The following PASK variants were observed in gnomAD, a reference collection of about 807,000 sequenced individuals.
The protein encoded by PASK is PAS domain-containing serine/threonine-protein kinase.
In PASK, 110 loss-of-function variants were observed where a neutral mutation model predicts 121.0. That is an observed-to-expected ratio of 0.91 (90% confidence interval 0.78 to 1.06). The LOEUF (loss-of-function observed/expected upper bound fraction) is 1.06. Ranked by LOEUF, PASK falls within the 50% of genes least tolerant of loss-of-function variation. The pLI, the probability that PASK is intolerant of heterozygous loss-of-function variation, is 0.00. For missense variants in PASK, 1,643 were observed against 1,702.3 expected (o/e 0.97, Z 0.61); for synonymous variants, 686 against 717.8 (o/e 0.96, Z 0.71).
chr2:241,106,517 CTG>C lies in PASK; in HGVS notation c.*47_*48del, dbSNP rs753768742. ...TCTCCAAACAGATGGAGCCTGAAAA[CTG>C]TGTGATTTTCCAAACCAAGTGGAGA... is the stretch of plus-strand genomic sequence containing the variant. On this transcript the variant is annotated 3_prime_UTR_variant, in exon 18 of 18. Transcript: ENST00000234040. 4.6e-5 allele frequency: 73 copies of C among 1,592,758 alleles called. No individual in the cohort carries two copies. Among genetic ancestry groups the C allele is most frequent in the East Asian group, 1.3e-4 (6 of 44,814 alleles).
intron 1 of PASK, among the ~76,000 whole-genome samples, chr2:241,143,809 G>A (rs1012525576): frequency 6.6e-6 from 1 of 152,242 alleles, no homozygotes; most frequent in African/African-American, 2.4e-5. Flanking sequence ...GCTGTGCACA[G>A]AATCACCTGG....
chr2:241,126,104 C>T, intron 10 of PASK, 92 bp downstream of exon 10: 1 of 1,104,172 alleles, frequency 9.1e-7, no homozygotes, highest in Non-Finnish European at 1.4e-6. Context: ...AGGGTGAAAC[C>T]CCATCAGACC....
intron 4 of PASK, 139 bp downstream of exon 4, chr2:241,139,746 A>T: frequency 1.2e-6 from 1 of 827,752 alleles, no homozygotes; most frequent in Non-Finnish European, 2.1e-6. Context: ...GCCTGGGATG[A>T]CATTTTCAGC....
At chr2:241,115,514 G>T in intron 12 of PASK, 101 bp from the exon 13 acceptor site, 3 of 1,402,798 alleles carry the variant, frequency 2.1e-6, no homozygotes, top group South Asian at 2.3e-5. Context: ...TTACACCAGG[G>T]CCACCCGGTC....
In PASK at chr2:241,140,385, T is replaced by C. The variant is rs1053557135; in HGVS notation, c.429+136A>G. The C allele has an allele frequency of 6.2e-5, 46 of 745,520 alleles. No homozygotes were observed. The African/African-American group carries it at 6.6e-4, about 11-fold the overall frequency. The allele number at this position is 745,520 out of a possible 1,614,324, so 46.2% of individuals were successfully genotyped here. On this transcript the variant is annotated intron_variant, in intron 3 of 17. Coordinates refer to ENST00000234040, the MANE Select transcript of PASK (RefSeq NM_015148.4). Reference sequence around the variant, plus strand: ...GTTGCCCAGGCTGGTCTTGAACTCCTGGGCTCAAGCAAACTTCCCACCTCC... The same window carrying C: ...GTTGCCCAGGCTGGTCTTGAACTCCCGGGCTCAAGCAAACTTCCCACCTCC...
chr2:241,134,471 C>G (rs1475714026), intron 8 of PASK: 1 of 152,166 alleles, frequency 6.6e-6, no homozygotes, highest in Non-Finnish European at 1.5e-5. Flanking sequence ...ATGCCCCAGG[C>G]GAGACCCTGT....
intron 10 of PASK, 74 bp from the exon 11 acceptor site, chr2:241,124,207 C>A: frequency 8.1e-7 from 1 of 1,241,830 alleles, no homozygotes; most frequent in Non-Finnish European, 1.2e-6. Context: ...TTAGAAAAGT[C>A]CAGTCCCCAG....
intron 12 of PASK, among the ~76,000 whole-genome samples, chr2:241,117,439 G>A (rs1440080793): frequency 3.3e-5 from 5 of 152,358 alleles, no homozygotes; most frequent in African/African-American, 9.6e-5. Context: ...CCTGCGGCCT[G>A]TCCAGCTGCA....
chr2:241,123,996 A>T lies in PASK; in HGVS notation c.2857T>A (p.Ser953Thr), dbSNP rs747572389. The T allele has an allele frequency of 3.7e-6, 6 of 1,613,828 alleles. No homozygotes were observed. In the South Asian group the frequency reaches 5.5e-5, roughly 15 times the overall value. Reference sequence around the variant, plus strand: ...AGCTCAGCAGCGGTAGAGTGGGTGGAGCCGGGCAGGCTGGCAAGGAACAGG... The same window carrying T: ...AGCTCAGCAGCGGTAGAGTGGGTGGTGCCGGGCAGGCTGGCAAGGAACAGG... The part of the protein sequence containing the change: ...TRLFLASLPG[S>T]THSTAAELTG... The change falls in exon 11 of 18, where the codon TCC becomes ACC. Residue 953 changes from serine to threonine, a missense_variant. By Grantham distance (58) the Ser-to-Thr change is moderately conservative (BLOSUM62 1). Around this residue, in one of 3 missense-constraint regions of PASK, gnomAD observed 453 missense variants for 511.2 expected, o/e 0.89. Transcript: ENST00000234040.
At chr2:241,127,680 C>T in intron 9 of PASK, 1 of 558,852 alleles carries the variant, frequency 1.8e-6, no homozygotes, top group South Asian at 1.9e-5. Flanking sequence ...CTACCAAAAG[C>T]CCAACAGTAA....
chr2:241,141,783 A>G (rs971765545), intron 2 of PASK, among the ~76,000 whole-genome samples: 7 of 151,884 alleles, frequency 4.6e-5, no homozygotes, highest in African/African-American at 1.5e-4. Flanking sequence ...CATGTCCTCC[A>G]GCCAGGACCC....
chr2:241,115,062 G>A lies in PASK; in HGVS notation c.3314C>T (p.Ala1105Val), dbSNP rs201337454. ...TCTCACTTGTCGGAAGATGTAGCTC[G>A]CCAGGGGCTCATCCAGCCTGGGGTG... Reference protein sequence around the residue: ...DRHPRLDEPLASYIFRQLVSA... With the variant: ...DRHPRLDEPLVSYIFRQLVSA... Residue 1105 changes from alanine to valine, a missense_variant, in exon 14 of 18, where the codon GCG becomes GTG. By Grantham distance (64) the Ala-to-Val change is moderately conservative. This residue lies in a region of PASK where 453 missense variants were observed against 511.2 expected (regional missense o/e 0.89). Transcript: ENST00000234040. 7.4e-6 allele frequency: 12 copies of A among 1,614,122 alleles called. No homozygotes were observed. In the East Asian group the frequency reaches 8.9e-5, roughly 12 times the overall value.
intron 9 of PASK, among the ~76,000 whole-genome samples, chr2:241,132,076 T>C (rs1448064899): frequency 1.4e-5 from 2 of 147,378 alleles, no homozygotes; most frequent in Admixed American, 6.8e-5. Flanking sequence ...AAAAAAAGAT[T>C]CCGAAGAAGA....
rs1041071748 is a variant in PASK at position 241,108,871 on chromosome 2, C to T, written c.3534-571G>A. 5.6e-5 allele frequency: 11 copies of T among 195,988 alleles called. No homozygotes were observed. Among genetic ancestry groups the T allele is most frequent in the Admixed American group, 2.1e-4 (4 of 18,830 alleles). The allele number at this position is 195,988 out of a possible 1,614,324, so 12.1% of individuals were successfully genotyped here. ...GAAGGACGTGGTGAAGGTGGGTGTT[C>T]ACACAGTGGGCCAAATGGAGGAGCA... is the stretch of plus-strand genomic sequence containing the variant. On this transcript the variant is annotated intron_variant, in intron 15 of 17. Coordinates refer to ENST00000234040, the MANE Select transcript of PASK (RefSeq NM_015148.4). This position sits in a 1 kb window ranked among gnomAD's most constrained non-coding sequence, Gnocchi z 5.2.
Position 241,142,845 on chromosome 2 carries a change from G to T in PASK, c.188C>A (p.Ala63Glu). The T allele has an allele frequency of 6.2e-7, 1 of 1,611,890 alleles. No homozygotes were observed. The highest frequency in any genetic ancestry group is 8.5e-7 in the Non-Finnish European group (1 of 1,178,566). The change falls in exon 2 of 18, where the codon GCG (alanine) becomes GAG (glutamate). Residue 63 changes from alanine (A) to glutamate (E), a missense_variant. Ala to Glu is a moderately radical substitution (Grantham distance 107, BLOSUM62 -1). Around this residue, in one of 3 missense-constraint regions of PASK, gnomAD observed 1,176 missense variants for 1,162.2 expected, o/e 1.01. Coordinates refer to ENST00000234040, the MANE Select transcript of PASK (RefSeq NM_015148.4). ...TGGTCGAAGGTCATTACCAGAGAGC[G>T]CTGTCCTGCTCTGGCAGAGTCTGGA... The part of the protein sequence containing the change: ...GLSRLCQSRT[A>E]LSEDRWSSYC...
chr2:241,150,328 GCCT>G, upstream of PASK: 1 of 1,326,554 alleles, frequency 7.5e-7, no homozygotes, highest in Non-Finnish European at 9.7e-7. Flanking sequence ...GCGGCGCGCG[GCCT>G]CATGACGGAA....
intron 3 of PASK, 127 bp from the exon 4 acceptor site, chr2:241,140,182 C>T: frequency 1.2e-6 from 1 of 806,322 alleles, no homozygotes; most frequent in Non-Finnish European, 2.1e-6. Flanking sequence ...ACTCTGTTGC[C>T]CAGGCTGGAG....
At chr2:241,109,400 G>C (rs1344598751) in intron 15 of PASK, 1 of 152,550 alleles carries the variant, frequency 6.6e-6, no homozygotes, top group African/African-American at 2.4e-5. Flanking sequence ...CGCAGCTGGG[G>C]GTCTGTCCCC....
At position 241,137,260 on chromosome 2, in the gene PASK, A is replaced by T. The variant is rs1460405388; in HGVS notation, c.881T>A (p.Leu294His). 2 of 1,613,142 alleles carry T rather than the reference A, an allele frequency of 1.2e-6. No homozygotes were observed. The highest frequency in any genetic ancestry group is 1.7e-4 in the Middle Eastern group (1 of 6,030). ...TCTTCCAACAGACCTCTGAATCTTG[A>T]GATTCTGAAAGAAAGGCTTGTCGTT... ...PPSGQHIPKN[L>H]KIQRSVGRAR... is the part of the protein sequence containing the mutation. Residue 294 changes from leucine to histidine, a missense_variant, in exon 7 of 18, where the codon CTC becomes CAC. Transcript: ENST00000234040.
Sources: allele counts gnomAD v4.1 joint callset (sites outside exome capture counted in the v4.1 genomes callset), GRCh38; gene constraint gnomAD v4.1.1; regional missense constraint gnomAD v4.1.1; non-coding constraint Gnocchi (gnomAD v3.1); transcripts MANE v1.5; gene names NCBI Gene and HGNC (gene_info 2026-07-23, HGNC 2026-07-21).